SLC14A2: variants seen among roughly 807,000 people sequenced by gnomAD.
The protein encoded by SLC14A2 is solute carrier family 14 member 2.
SLC14A2 carries 91 observed loss-of-function variants against 104.6 expected under a neutral mutation model. The observed-to-expected ratio is 0.87, with a 90% CI of 0.73 to 1.04. SLC14A2 has a LOEUF of 1.04. SLC14A2 is among the 50% of genes least tolerant of loss of function. The probability of loss-of-function intolerance (pLI) is 0.00; values close to 1 mark genes in which losing one functional copy is unlikely to be tolerated. For missense variants in SLC14A2, 1,189 were observed against 1,156.0 expected (o/e 1.03, Z -0.41); for synonymous variants, 476 against 466.4 (o/e 1.02, Z -0.27).
intron 1 of SLC14A2, among the ~76,000 whole-genome samples, chr18:45,337,863 A>G (rs1227089799): frequency 6.6e-6 from 1 of 152,160 alleles, no homozygotes; most frequent in East Asian, 1.9e-4. Context: ...AGTGGGGAAA[A>G]TTTGCATCTG....
intron 15 of SLC14A2, 25 bp downstream of exon 15, chr18:45,668,502 G>C (rs1398958333): frequency 6.2e-7 from 1 of 1,612,850 alleles, no homozygotes; most frequent in Admixed American, 1.7e-5. Context: ...GAAGGGTTGT[G>C]GGTTCATATC....
intron 1 of SLC14A2, among the ~76,000 whole-genome samples, chr18:45,392,893 A>T (rs959125711): frequency 4.6e-5 from 7 of 152,198 alleles, no homozygotes; most frequent in Non-Finnish European, 1.0e-4. Flanking sequence ...TTCTACAAAA[A>T]AATAATTTGA....
the SLC14A2 span, among the ~76,000 whole-genome samples, chr18:45,191,473 T>C: frequency 1.3e-5 from 2 of 152,142 alleles, no homozygotes; most frequent in South Asian, 4.1e-4. Context: ...CATATAACAA[T>C]TGTTTCAGAA....
intron 9 of SLC14A2, 37 bp from the exon 10 acceptor site, chr18:45,643,949 A>G (rs1483960366): frequency 1.9e-6 from 3 of 1,595,760 alleles, no homozygotes; most frequent in East Asian, 4.5e-5. Context: ...ACAGGAAACT[A>G]GGAAACTTCT....
At chr18:45,487,537 T>C (rs566810244) in intron 2 of SLC14A2, among the ~76,000 whole-genome samples, 227 of 152,026 alleles carry the variant, frequency 1.5e-3, no homozygotes, top group African/African-American at 5.4e-3. Flanking sequence ...CAGTAGAGAG[T>C]TGGTTGGTTG....
At chr18:45,465,982 T>A (rs1255493300) in intron 1 of SLC14A2, among the ~76,000 whole-genome samples, 1 of 152,164 alleles carries the variant, frequency 6.6e-6, no homozygotes, top group Admixed American at 6.5e-5. Context: ...CAACACTTAC[T>A]GAGTGCTTTA....
intron 2 of SLC14A2, among the ~76,000 whole-genome samples, chr18:45,543,124 T>TG (rs2043915496): frequency 6.6e-6 from 1 of 151,760 alleles, no homozygotes; most frequent in Non-Finnish European, 1.5e-5. Flanking sequence ...AGTTTTTGTA[T>TG]TTTTAGTAGA....
Position 45,668,009 on chromosome 18 carries a change from C to A in SLC14A2, c.1894C>A (p.Leu632Met), listed in dbSNP as rs761906278. The A allele has an allele frequency of 9.9e-6, 16 of 1,614,012 alleles. No individual in the cohort carries two copies. The highest frequency in any genetic ancestry group is 6.7e-5 in the East Asian group (3 of 44,890). The change falls in exon 14 of 20, where the codon CTG becomes ATG. Residue 632 changes from leucine (L) to methionine (M), a missense_variant. Transcript: ENST00000255226. ...CATGTCCACCTTGACAGCCCTCATCCTGAGTCAGGACAAGTAAGTCCCAGA... is the reference window on the plus strand; with the variant it reads ...CATGTCCACCTTGACAGCCCTCATCATGAGTCAGGACAAGTAAGTCCCAGA... ...TIMSTLTALILSQDKSAIAAG... is the reference protein window; with the variant it reads ...TIMSTLTALIMSQDKSAIAAG...
At chr18:45,191,850 A>T in the SLC14A2 span, among the ~76,000 whole-genome samples, 1 of 152,086 alleles carries the variant, frequency 6.6e-6, no homozygotes, top group Non-Finnish European at 1.5e-5. Context: ...TAGATCTGGA[A>T]ACCATATCTT....
chr18:45,577,756 A>C (rs1225833100), intron 2 of SLC14A2, among the ~76,000 whole-genome samples: 1 of 152,184 alleles, frequency 6.6e-6, no homozygotes, highest in African/African-American at 2.4e-5. Context: ...TCATTAGTCA[A>C]AGTTCACAGG....
chr18:45,209,615 C>T (rs1258074425), upstream of SLC14A2, among the ~76,000 whole-genome samples: 1 of 151,400 alleles, frequency 6.6e-6, no homozygotes, highest in East Asian at 1.9e-4. Context: ...TTATTCTTGA[C>T]TGGGAAATCA....
rs373008347 is a variant in SLC14A2, at chr18:45,476,243, T to G, written c.-124-6990T>G. Among the ~76,000 whole-genome samples the G allele has an allele frequency of 3.3e-5, 5 of 152,198 alleles. No individual in the cohort carries two copies. In the East Asian group the frequency reaches 9.6e-4, roughly 29 times the overall value. Reference sequence around the variant, plus strand: ...TTATTTCTCCTTCTCTTATGAAGATTAGTTTGGCTGGATATGAAATTCTGG... The same window carrying G: ...TTATTTCTCCTTCTCTTATGAAGATGAGTTTGGCTGGATATGAAATTCTGG... On this transcript the variant is annotated intron_variant, in intron 1 of 20. Transcript: ENST00000586448.
At chr18:45,523,787 G>A (rs1273408283) in intron 2 of SLC14A2, among the ~76,000 whole-genome samples, 1 of 152,072 alleles carries the variant, frequency 6.6e-6, no homozygotes, top group African/African-American at 2.4e-5. Flanking sequence ...TCCTTTAAGG[G>A]CACTATTTCA....
At chr18:45,603,374 A>G (rs1229642476) in intron 2 of SLC14A2, among the ~76,000 whole-genome samples, 1 of 152,066 alleles carries the variant, frequency 6.6e-6, no homozygotes, top group Non-Finnish European at 1.5e-5. Flanking sequence ...TTTGTCCTAG[A>G]TTAACCATTG....
At chr18:45,347,208 T>C (rs1405471598) in intron 1 of SLC14A2, among the ~76,000 whole-genome samples, 1 of 151,884 alleles carries the variant, frequency 6.6e-6, no homozygotes, top group African/African-American at 2.4e-5. Flanking sequence ...TTACAAAAAT[T>C]AGCTGGGCAT....
In SLC14A2 at chr18:45,543,268, C is replaced by A. The variant is rs547394457; in HGVS notation, c.-35+59946C>A. On this transcript the variant is annotated intron_variant, in intron 2 of 20. Coordinates refer to the SLC14A2 transcript ENST00000586448. ...CAGCCTGTGTCTTTAAATTGACTCA[C>A]ATTTTTTAAAATAATAGGCTTACCC... is the stretch of plus-strand genomic sequence containing the variant. 2.6e-5 allele frequency among the ~76,000 whole-genome samples: 4 copies of A among 151,990 alleles called. No individual in the cohort carries two copies. In the East Asian group the frequency reaches 7.7e-4, roughly 29 times the overall value.
chr18:45,516,990 G>A (rs2043450026), intron 2 of SLC14A2, among the ~76,000 whole-genome samples: 1 of 152,234 alleles, frequency 6.6e-6, no homozygotes, highest in Admixed American at 6.5e-5. Context: ...CAGACAGAGA[G>A]AGCTATTTCT....
chr18:45,306,533 G>A (rs1469979559), intron 1 of SLC14A2, among the ~76,000 whole-genome samples: 1 of 152,134 alleles, frequency 6.6e-6, no homozygotes, highest in Non-Finnish European at 1.5e-5. Flanking sequence ...CATAGGCACT[G>A]AAATTTTAAT....
At chr18:45,586,986 T>G (rs555659744) in intron 2 of SLC14A2, among the ~76,000 whole-genome samples, 1 of 152,308 alleles carries the variant, frequency 6.6e-6, no homozygotes, top group African/African-American at 2.4e-5. Context: ...TATTCTTCTT[T>G]ATTTTAAATT....
Sources: allele counts gnomAD v4.1 joint callset (sites outside exome capture counted in the v4.1 genomes callset), GRCh38; gene constraint gnomAD v4.1.1; transcripts MANE v1.5; gene names NCBI Gene and HGNC (gene_info 2026-07-23, HGNC 2026-07-21).